The following MAGI2 variants were observed in gnomAD, a reference collection of about 807,000 sequenced individuals.
The protein encoded by MAGI2 is membrane associated guanylate kinase, WW and PDZ domain containing 2.
A neutral mutation model predicts 133.3 loss-of-function variants in MAGI2; 35 were observed. The ratio of observed to expected loss-of-function variants is 0.26; its 90% CI spans 0.20 to 0.35. The LOEUF (loss-of-function observed/expected upper bound fraction) is 0.35, where lower values mean the gene tolerates loss of function less well. Among genes scored for constraint, MAGI2 ranks in the 10% least tolerant of loss-of-function variants. The pLI is 1.00. For missense variants in MAGI2, 1,636 were observed against 1,863.4 expected (o/e 0.88, Z 2.25); for synonymous variants, 729 against 710.6 (o/e 1.03, Z -0.41).
In MAGI2 at chr7:78,902,414, C is replaced by T. The variant is rs139744996; in HGVS notation, c.418+104676G>A. 503 of 152,080 alleles carry T rather than the reference C, an allele frequency of 3.3e-3. 5 individuals carry two copies. Among genetic ancestry groups the T allele is most frequent in the African/African-American group, 0.011 (447 of 41,504 alleles). 9.4% of individuals were successfully genotyped at this position (152,080 alleles called of 1,614,324 possible). A position where few individuals can be genotyped will look rare whatever the true frequency, so the allele number is the denominator to read the frequency against. On this transcript the variant is annotated intron_variant, in intron 2 of 21. Coordinates refer to ENST00000354212, the MANE Select transcript of MAGI2 (RefSeq NM_012301.4). ...ATAATAAAATTATTTGCTTTCAAACCAAACCATAGTACCAATATAAGCAAA... is the reference window on the plus strand; with the variant it reads ...ATAATAAAATTATTTGCTTTCAAACTAAACCATAGTACCAATATAAGCAAA...
intron 20 of MAGI2, among the ~76,000 whole-genome samples, chr7:78,084,996 C>T (rs1816459485): frequency 6.6e-6 from 1 of 152,122 alleles, no homozygotes; most frequent in African/African-American, 2.4e-5. Flanking sequence ...TAGATGGGTT[C>T]CAAGTGCCTA....
intron 10 of MAGI2, among the ~76,000 whole-genome samples, chr7:78,228,690 AT>A (rs1257906356): frequency 8.5e-5 from 13 of 152,248 alleles, no homozygotes; most frequent in African/African-American, 3.1e-4. Context: ...GCAAATCTTT[AT>A]TTAACTAAAA....
chr7:79,367,297 C>G (rs189670468), intron 1 of MAGI2, among the ~76,000 whole-genome samples: 1 of 152,342 alleles, frequency 6.6e-6, no homozygotes, highest in African/African-American at 2.4e-5. Flanking sequence ...GCCAATTCTT[C>G]TAGAGGACTT....
intron 4 of MAGI2, among the ~76,000 whole-genome samples, chr7:78,510,905 A>G (rs11978045): frequency 0.65 from 98,109 of 151,978 alleles, 32,756 homozygotes; most frequent in African/African-American, 0.83. Flanking sequence ...ATACCCCCAG[A>G]GCAACTTTGG....
chr7:78,897,847 T>G lies in MAGI2; in HGVS notation c.418+109243A>C, dbSNP rs78941654. Among the ~76,000 whole-genome samples the G allele has an allele frequency of 6.2e-3, 943 of 152,312 alleles. 17 individuals carry two copies. The South Asian group carries it at 0.068, about 11-fold the overall frequency. On this transcript the variant is annotated intron_variant, in intron 2 of 21. Transcript: ENST00000354212. ...AAGCAATCACAATGAAAACAAAAAT[T>G]GACAAACGAGATCTAATTAAACTTA...
chr7:78,649,238 A>AAAAAAG (rs2151008579), intron 2 of MAGI2, among the ~76,000 whole-genome samples: 1 of 96,670 alleles, frequency 1.0e-5, no homozygotes, highest in East Asian at 6.0e-4. Context: ...AAAAAAAAGA[A>AAAAAAG]AAAAAAAGAA....
chr7:79,153,422 A>T (rs2129547153), intron 1 of MAGI2, among the ~76,000 whole-genome samples: 1 of 152,284 alleles, frequency 6.6e-6, no homozygotes, highest in Admixed American at 6.5e-5. Flanking sequence ...ATAACTACAA[A>T]TTGTGAGAAG....
At chr7:78,797,620 A>G (rs1787724295) in intron 2 of MAGI2, among the ~76,000 whole-genome samples, 2 of 152,210 alleles carry the variant, frequency 1.3e-5, no homozygotes, top group Non-Finnish European at 2.9e-5. Flanking sequence ...ATCACATACA[A>G]ATGTAAATCA....
chr7:78,162,552 A>G (rs1825170676), intron 15 of MAGI2, among the ~76,000 whole-genome samples: 1 of 151,458 alleles, frequency 6.6e-6, no homozygotes, highest in African/African-American at 2.4e-5. Flanking sequence ...AACAAAAACG[A>G]AAGAAGAATT....
At chr7:78,021,325 A>T (rs1006546338) in intron 21 of MAGI2, among the ~76,000 whole-genome samples, 3 of 152,196 alleles carry the variant, frequency 2.0e-5, no homozygotes, top group African/African-American at 7.2e-5. Context: ...GAACGAAGAA[A>T]CCACATTGAT....
At chr7:78,975,831 G>T (rs1354320192) in intron 2 of MAGI2, among the ~76,000 whole-genome samples, 2 of 151,392 alleles carry the variant, frequency 1.3e-5, no homozygotes, top group Non-Finnish European at 3.0e-5. Flanking sequence ...AATGAAAGAA[G>T]TTTCTTTACT....
intron 9 of MAGI2, among the ~76,000 whole-genome samples, chr7:78,289,463 C>CTCTACATCTGATTGG: frequency 6.6e-6 from 1 of 152,284 alleles, no homozygotes; most frequent in East Asian, 1.9e-4. Flanking sequence ...AAAAGACCAA[C>CTCTACATCTGATTGG]TCTACATCTG....
intron 13 of MAGI2, among the ~76,000 whole-genome samples, chr7:78,185,290 T>A (rs973714206): frequency 3.3e-5 from 5 of 152,214 alleles, no homozygotes; most frequent in African/African-American, 1.2e-4. Context: ...ACATTTCAAG[T>A]GCTCAATAGC....
intron 2 of MAGI2, among the ~76,000 whole-genome samples, chr7:78,758,019 A>G (rs1824130426): frequency 6.6e-6 from 1 of 152,104 alleles, no homozygotes. Context: ...TTTCCACCCC[A>G]CAGATAGCTC....
chr7:78,957,221 C>T (rs566592049), intron 2 of MAGI2, among the ~76,000 whole-genome samples: 4 of 141,532 alleles, frequency 2.8e-5, no homozygotes, highest in South Asian at 4.4e-4. Flanking sequence ...GCCAAGATTG[C>T]GCCATTGCAC....
intron 1 of MAGI2, among the ~76,000 whole-genome samples, chr7:79,049,950 T>C (rs747079538): frequency 5.9e-5 from 9 of 152,232 alleles, no homozygotes; most frequent in Non-Finnish European, 1.3e-4. Context: ...CACTCATATA[T>C]AGAATTTCTG....
At chr7:78,031,967 TATATCCCCA>T (rs1421962695) in intron 21 of MAGI2, among the ~76,000 whole-genome samples, 1 of 151,302 alleles carries the variant, frequency 6.6e-6, no homozygotes, top group Non-Finnish European at 1.5e-5. Flanking sequence ...GATGTGCAAC[TATATCCCCA>T]ACAGTGTGTC....
rs368996764 is a variant in MAGI2 at position 79,077,595 on chromosome 7, ATAAATAAAT to A, written c.302-70398_302-70390del. Among the ~76,000 whole-genome samples the A allele has an allele frequency of 5.4e-4, 50 of 93,024 alleles. 4 individuals are homozygous for A. Among genetic ancestry groups the A allele is most frequent in the African/African-American group, 1.5e-3 (33 of 21,666 alleles). 61.0% of individuals were successfully genotyped at this position (93,024 alleles called of 152,430 possible). On this transcript the variant is annotated intron_variant, in intron 1 of 21. Transcript: ENST00000354212. ...CTCTCAAAAAAAAAAAAAAAAAAAA[ATAAATAAAT>A]AAATAAATTCCCTTTTGCTTAACTA...
chr7:78,606,679 T>C (rs1805848489), intron 3 of MAGI2, among the ~76,000 whole-genome samples: 1 of 152,226 alleles, frequency 6.6e-6, no homozygotes, highest in South Asian at 2.1e-4. Flanking sequence ...TTGCATATGA[T>C]GGCCTACTTT....
Sources: allele counts gnomAD v4.1 joint callset (sites outside exome capture counted in the v4.1 genomes callset), GRCh38; gene constraint gnomAD v4.1.1; transcripts MANE v1.5; gene names NCBI Gene and HGNC (gene_info 2026-07-23, HGNC 2026-07-21).